NCALD: variants seen among roughly 807,000 people sequenced by gnomAD.
NCALD encodes the protein neurocalcin delta, also known as neurocalcin-delta.
Under a neutral mutation model 18.6 loss-of-function variants are expected in NCALD, and 10 were observed. The observed-to-expected ratio is 0.54, with a 90% CI of 0.33 to 0.91. The LOEUF is 0.91. Ranked by LOEUF, NCALD falls within the 40% of genes least tolerant of loss-of-function variation. The pLI, the probability that NCALD is intolerant of heterozygous loss-of-function variation, is 0.03. For missense variants in NCALD, 184 were observed against 247.6 expected (o/e 0.74, Z 1.72); for synonymous variants, 88 against 87.4 (o/e 1.01, Z -0.04).
At chr8:101,984,473 G>A (rs1820730546) in intron 2 of NCALD, among the ~76,000 whole-genome samples, 1 of 152,152 alleles carries the variant, frequency 6.6e-6, no homozygotes, top group Non-Finnish European at 1.5e-5. Context: ...AAATGTTGAA[G>A]CTCTGAAGCA....
rs200458231 is a variant in NCALD, at chr8:101,895,440, T to C, written c.-106-8213A>G. On this transcript the variant is annotated intron_variant, in intron 3 of 6. Coordinates refer to the NCALD transcript ENST00000311028. ...TGGGCAAAAACTGGAAGCATTCCCT[T>C]TGAAAACTGGCACAAGACAGGGATG... Among the ~76,000 whole-genome samples, 75 of 151,378 alleles carry C rather than the reference T, an allele frequency of 5.0e-4. 1 individual carries two copies. In the East Asian group the frequency reaches 0.012, roughly 25 times the overall value.
At chr8:102,033,237 T>A (rs191355999) in intron 1 of NCALD, among the ~76,000 whole-genome samples, 1 of 152,262 alleles carries the variant, frequency 6.6e-6, no homozygotes, top group Admixed American at 6.5e-5. Context: ...TACTCCATCA[T>A]CCAGAAGCAG....
At chr8:101,730,479 C>CAAAA (rs869241027) in intron 1 of NCALD, among the ~76,000 whole-genome samples, 5,767 of 43,612 alleles carry the variant, frequency 0.13, 1,259 homozygotes, top group African/African-American at 0.27. Flanking sequence ...GACTCCATCT[C>CAAAA]AAAAAAAAAA....
At chr8:101,764,506 A>T (rs933554839) in intron 1 of NCALD, among the ~76,000 whole-genome samples, 1 of 152,208 alleles carries the variant, frequency 6.6e-6, no homozygotes, top group Admixed American at 6.5e-5. Flanking sequence ...CCAAAGTCCC[A>T]TTGGAGTGGG....
chr8:101,952,309 G>A (rs192545393), intron 2 of NCALD, among the ~76,000 whole-genome samples: 5 of 152,224 alleles, frequency 3.3e-5, no homozygotes, highest in Admixed American at 6.5e-5. Flanking sequence ...ACCAGACCCC[G>A]CTGAAATCTA....
intron 1 of NCALD, among the ~76,000 whole-genome samples, chr8:102,055,286 C>T (rs1209925049): frequency 1.3e-5 from 2 of 151,552 alleles, no homozygotes; most frequent in East Asian, 3.9e-4. Flanking sequence ...GCCGGTGGGG[C>T]CATGCCTAGT....
At chr8:102,109,901 C>G (rs1261227693) in intron 1 of NCALD, among the ~76,000 whole-genome samples, 1 of 152,142 alleles carries the variant, frequency 6.6e-6, no homozygotes, top group African/African-American at 2.4e-5. Flanking sequence ...ATTATCATTA[C>G]TTAATATAGA....
intron 1 of NCALD, among the ~76,000 whole-genome samples, chr8:101,759,233 G>C (rs1811013309): frequency 6.6e-6 from 1 of 152,176 alleles, no homozygotes; most frequent in Admixed American, 6.6e-5. Flanking sequence ...AAAGTGTCTT[G>C]CTGATTTATA....
At chr8:102,104,353 G>C (rs965157949) in intron 1 of NCALD, among the ~76,000 whole-genome samples, 1 of 151,994 alleles carries the variant, frequency 6.6e-6, no homozygotes, top group Non-Finnish European at 1.5e-5. Flanking sequence ...TTTCAAATAG[G>C]GGGCACCTAG....
At chr8:102,105,765 T>C (rs113822859) in intron 1 of NCALD, among the ~76,000 whole-genome samples, 9 of 152,216 alleles carry the variant, frequency 5.9e-5, no homozygotes, top group African/African-American at 1.7e-4. Flanking sequence ...AGGTCTAGAA[T>C]AGTGGTTAGA....
chr8:101,837,644 T>C (rs1814467688), intron 4 of NCALD, among the ~76,000 whole-genome samples: 1 of 152,230 alleles, frequency 6.6e-6, no homozygotes, highest in African/African-American at 2.4e-5. Flanking sequence ...CCACTGAGAT[T>C]ACAAATATAA....
chr8:101,875,708 G>C (rs1816201746), intron 4 of NCALD, among the ~76,000 whole-genome samples: 1 of 152,166 alleles, frequency 6.6e-6, no homozygotes, highest in Non-Finnish European at 1.5e-5. Context: ...GCAAAGCCAA[G>C]GACGTGGAAG....
chr8:102,004,359 A>C (rs1356284449), intron 2 of NCALD, among the ~76,000 whole-genome samples: 4 of 152,124 alleles, frequency 2.6e-5, no homozygotes, highest in African/African-American at 9.7e-5. Context: ...ACTACAAACC[A>C]CTGCTCAAGG....
chr8:101,882,179 G>T (rs554945), intron 4 of NCALD, among the ~76,000 whole-genome samples: 1 of 151,860 alleles, frequency 6.6e-6, no homozygotes, highest in South Asian at 2.1e-4. Flanking sequence ...GAAGGATCAC[G>T]CTAACAACAT....
chr8:101,860,215 A>C (rs959222607), intron 4 of NCALD, among the ~76,000 whole-genome samples: 7 of 152,156 alleles, frequency 4.6e-5, no homozygotes, highest in Non-Finnish European at 5.9e-5. Flanking sequence ...CCTCCAATAC[A>C]TGCTTTCTTA....
At chr8:101,748,190 C>CT (rs1810504920) in intron 1 of NCALD, among the ~76,000 whole-genome samples, 1 of 152,076 alleles carries the variant, frequency 6.6e-6, no homozygotes, top group Admixed American at 6.5e-5. Flanking sequence ...GGTCACCTGT[C>CT]TTTTTTTGTG....
chr8:101,978,214 A>G (rs778231368), intron 2 of NCALD, among the ~76,000 whole-genome samples: 1 of 152,048 alleles, frequency 6.6e-6, no homozygotes, highest in Admixed American at 6.6e-5. Flanking sequence ...AACTATGTTT[A>G]CCTCTTTTTT....
chr8:102,106,353 C>T (rs1358877206), intron 1 of NCALD, among the ~76,000 whole-genome samples: 6 of 151,640 alleles, frequency 4.0e-5, no homozygotes, highest in East Asian at 1.9e-4. Flanking sequence ...GGATTATAGG[C>T]GTGAGCCACC....
chr8:101,691,181 G>T, intron 3 of NCALD: 1 of 985,386 alleles, frequency 1.0e-6, no homozygotes, highest in South Asian at 4.7e-5. Context: ...CCAGTCTCCT[G>T]GTTGAGCTAA....
Sources: allele counts gnomAD v4.1 joint callset (sites outside exome capture counted in the v4.1 genomes callset), GRCh38; gene constraint gnomAD v4.1.1; transcripts MANE v1.5; gene names NCBI Gene and HGNC (gene_info 2026-07-23, HGNC 2026-07-21).